The following SLC7A9 variants were observed in gnomAD, a reference collection of about 807,000 sequenced individuals.
SLC7A9 encodes the protein B(0,+)-type amino acid transporter 1.
Under a neutral mutation model 54.1 loss-of-function variants are expected in SLC7A9, and 38 were observed. The observed-to-expected ratio is 0.70, with a 90% CI of 0.54 to 0.92. The LOEUF (loss-of-function observed/expected upper bound fraction) is 0.92, where lower values mean the gene tolerates loss of function less well. SLC7A9 is among the 40% of genes least tolerant of loss of function. The pLI, the probability that SLC7A9 is intolerant of heterozygous loss-of-function variation, is 0.00. For missense variants in SLC7A9, 537 were observed against 636.1 expected (o/e 0.84, Z 1.68); for synonymous variants, 264 against 258.9 (o/e 1.02, Z -0.19).
At chr19:32,860,689 T>G (rs1400429427) in intron 6 of SLC7A9, 39 bp from the exon 7 acceptor site, 2 of 1,613,468 alleles carry the variant, frequency 1.2e-6, no homozygotes, top group East Asian at 4.5e-5. Context: ...ACACCTTGAC[T>G]TTCTTTTTCG....
At chr19:32,864,421 G>A in intron 3 of SLC7A9, 83 bp from the exon 4 acceptor site, 1 of 1,590,232 alleles carries the variant, frequency 6.3e-7, no homozygotes. Flanking sequence ...ACCGGAGGCT[G>A]CGCTCGTATG....
At chr19:32,834,752 T>C (rs1192216076) in intron 11 of SLC7A9, among the ~76,000 whole-genome samples, 1 of 152,188 alleles carries the variant, frequency 6.6e-6, no homozygotes, top group Non-Finnish European at 1.5e-5. Context: ...TTGTTTTCAT[T>C]TTTAAGTGTC....
intron 9 of SLC7A9, among the ~76,000 whole-genome samples, chr19:32,851,742 T>C (rs1968473579): frequency 6.6e-6 from 1 of 152,144 alleles, no homozygotes; most frequent in Non-Finnish European, 1.5e-5. Context: ...TGTGGCACTA[T>C]TCACAATAGC....
intron 4 of SLC7A9, chr19:32,862,888 G>A (rs532997160): frequency 2.5e-5 from 5 of 200,836 alleles, no homozygotes; most frequent in East Asian, 1.5e-4. Flanking sequence ...GCGGGGGAGC[G>A]CAGCTACTCA....
chr19:32,836,190 G>A (rs188482535), intron 11 of SLC7A9, among the ~76,000 whole-genome samples: 2 of 152,244 alleles, frequency 1.3e-5, no homozygotes, highest in Admixed American at 6.5e-5. Context: ...TGGGATTACA[G>A]GTGTGAGCCA....
At chr19:32,867,237 C>A (rs1358866734) in intron 2 of SLC7A9, among the ~76,000 whole-genome samples, 1 of 152,222 alleles carries the variant, frequency 6.6e-6, no homozygotes, top group Non-Finnish European at 1.5e-5. Flanking sequence ...CACAGCGACT[C>A]ACGCCTATAA....
intron 6 of SLC7A9, 38 bp downstream of exon 6, chr19:32,862,080 A>G: frequency 7.1e-7 from 1 of 1,400,608 alleles, no homozygotes; most frequent in Non-Finnish European, 1.0e-6. Context: ...GGAGAACCCC[A>G]CCCACCCCCA....
intron 9 of SLC7A9, among the ~76,000 whole-genome samples, chr19:32,848,453 TA>T (rs139577500): frequency 0.23 from 34,662 of 151,982 alleles, 4,258 homozygotes; most frequent in African/African-American, 0.32. Flanking sequence ...TACATAATGG[TA>T]AAGGGATCAA....
intron 10 of SLC7A9, 45 bp from the exon 11 acceptor site, chr19:32,842,362 C>T (rs928680302): frequency 4.4e-6 from 7 of 1,573,912 alleles, no homozygotes; most frequent in Non-Finnish European, 6.1e-6. Flanking sequence ...CTACAAAACA[C>T]TGTTCTCATG....
At chr19:32,846,052 C>T (rs998246331) in intron 9 of SLC7A9, among the ~76,000 whole-genome samples, 4 of 152,104 alleles carry the variant, frequency 2.6e-5, no homozygotes, top group South Asian at 4.1e-4. Context: ...CCAAGATAGC[C>T]GAATAGGAAC....
chr19:32,852,545 C>T (rs1309184984), intron 9 of SLC7A9, among the ~76,000 whole-genome samples: 1 of 152,108 alleles, frequency 6.6e-6, no homozygotes, highest in Non-Finnish European at 1.5e-5. Flanking sequence ...AGGTCACATA[C>T]TCTAATTACA....
In SLC7A9 at chr19:32,862,522, G is replaced by C; in HGVS notation, c.543C>G (p.Thr181=). ...TGGCCACGATCACCAGCTTGGCCGC[G>C]GTGAAGATGTTCTGGACGTAGCTTC... ...RLGSYVQNIF[T]AAKLVIVAII... Residue 181 remains threonine, a synonymous_variant, in exon 5 of 13, where the codon ACC becomes ACG. Transcript: ENST00000023064. 2 of 1,613,796 alleles carry C rather than the reference G, an allele frequency of 1.2e-6. No homozygotes were observed. The highest frequency in any genetic ancestry group is 1.7e-6 in the Non-Finnish European group (2 of 1,180,032).
At chr19:32,866,483 G>T (rs920973266) in intron 2 of SLC7A9, among the ~76,000 whole-genome samples, 8 of 152,162 alleles carry the variant, frequency 5.3e-5, no homozygotes. Context: ...GGAGTGCAAT[G>T]GCGCGATCAT....
chr19:32,849,953 C>G (rs1027941222), intron 9 of SLC7A9, among the ~76,000 whole-genome samples: 1 of 152,008 alleles, frequency 6.6e-6, no homozygotes, highest in African/African-American at 2.4e-5. Flanking sequence ...TCAATAGATG[C>G]AGAAAAGGCC....
At chr19:32,863,598 C>T (rs895751956) in intron 4 of SLC7A9, among the ~76,000 whole-genome samples, 2 of 152,012 alleles carry the variant, frequency 1.3e-5, no homozygotes, top group East Asian at 1.9e-4. Flanking sequence ...TGGCCTCAAG[C>T]GATCCTCCCA....
intron 9 of SLC7A9, among the ~76,000 whole-genome samples, chr19:32,847,982 A>C (rs1489205691): frequency 6.6e-6 from 1 of 151,942 alleles, no homozygotes; most frequent in Non-Finnish European, 1.5e-5. Context: ...AGACAAGCAA[A>C]TGCTGAGAGA....
In SLC7A9 at chr19:32,868,566, G is replaced by A. The variant is rs1397569142; in HGVS notation, c.-32C>T. The A allele has an allele frequency of 1.9e-6, 3 of 1,578,520 alleles. No individual in the cohort carries two copies. The highest frequency in any genetic ancestry group is 2.6e-6 in the Non-Finnish European group (3 of 1,147,508). ...TCCTGCTGGTTCCAGGAGACTGCAA[G>A]GAGGGCGCACAGCTAAATCTTGGTT... On this transcript the variant is annotated 5_prime_UTR_variant, in exon 2 of 13. Transcript: ENST00000023064.
intron 2 of SLC7A9, 32 bp from the exon 3 acceptor site, chr19:32,864,808 G>A (rs1968918489): frequency 1.9e-6 from 3 of 1,613,486 alleles, no homozygotes; most frequent in African/African-American, 1.3e-5. Flanking sequence ...GGGCGTTAGT[G>A]CCACGCCCGG....
Position 32,833,297 on chromosome 19 carries a change from C to A in SLC7A9, c.1251G>T (p.Met417Ile). ...IKVPVVIPVL[M>I]TLISVFLVLA... is the part of the protein sequence containing the mutation. ...GAACCAAAAACACAGAGATGAGTGT[C>A]ATCAAGACGGGAATGACTACGGGCA... Residue 417 changes from methionine (M) to isoleucine (I), a missense_variant, in exon 12 of 13, where the codon ATG (methionine) becomes ATT (isoleucine). Met to Ile is a conservative substitution (Grantham distance 10). Transcript: ENST00000023064. 6.2e-7 allele frequency: 1 copy of A among 1,614,166 alleles called. No homozygotes were observed. The highest frequency in any genetic ancestry group is 1.1e-5 in the South Asian group (1 of 91,066).
Sources: allele counts gnomAD v4.1 joint callset (sites outside exome capture counted in the v4.1 genomes callset), GRCh38; gene constraint gnomAD v4.1.1; transcripts MANE v1.5; gene names NCBI Gene and HGNC (gene_info 2026-07-23, HGNC 2026-07-21).